The following ANK2 variants were observed in gnomAD, a reference collection of about 807,000 sequenced individuals.
ANK2 encodes ankyrin-2.
Under a neutral mutation model 360.5 loss-of-function variants are expected in ANK2, and 83 were observed. The observed-to-expected ratio is 0.23, with a 90% CI of 0.19 to 0.28. ANK2 has a LOEUF of 0.28. Among genes scored for constraint, ANK2 ranks in the 10% least tolerant of loss-of-function variants. ANK2 has a pLI of 1.00. For missense variants in ANK2, 4,201 were observed against 4,795.7 expected, an observed-to-expected ratio of 0.88 and a Z score of 3.66; for synonymous variants, 1,740 against 1,759.5, an observed-to-expected ratio of 0.99 and a Z score of 0.28.
intron 1 of ANK2, among the ~76,000 whole-genome samples, chr4:113,087,549 AATT>A (rs760499914): frequency 1.1e-4 from 16 of 152,246 alleles, no homozygotes; most frequent in African/African-American, 2.9e-4. Flanking sequence ...AAGCAGCAAA[AATT>A]ATTAACAAGC....
intron 1 of ANK2, among the ~76,000 whole-genome samples, chr4:113,166,277 T>C (rs893152225): frequency 2.0e-5 from 3 of 152,154 alleles, no homozygotes; most frequent in African/African-American, 7.2e-5. Context: ...GGCATAGTTA[T>C]AGAGACATTT....
intron 10 of ANK2, among the ~76,000 whole-genome samples, chr4:113,252,428 AC>A (rs1000871669): frequency 5.3e-5 from 8 of 151,994 alleles, no homozygotes; most frequent in Non-Finnish European, 1.2e-4. Flanking sequence ...TCTAAGTGTC[AC>A]CCCCTCATTC....
At chr4:112,890,337 T>C (rs1271115354) in intron 1 of ANK2, among the ~76,000 whole-genome samples, 1 of 152,148 alleles carries the variant, frequency 6.6e-6, no homozygotes, top group East Asian at 1.9e-4. Context: ...AGTACCAGAT[T>C]CTAGAATAAA....
intron 2 of ANK2, among the ~76,000 whole-genome samples, chr4:112,963,595 A>G (rs1179753631): frequency 6.6e-6 from 1 of 152,158 alleles, no homozygotes; most frequent in Admixed American, 6.5e-5. Flanking sequence ...TTTTTTTTCC[A>G]AGTGAATCAC....
Position 113,151,901 on chromosome 4 carries a change from CAA to C in ANK2, c.85-22499_85-22498del, listed in dbSNP as rs34604677. Among the ~76,000 whole-genome samples the C allele has an allele frequency of 3.0e-3, 327 of 108,306 alleles. 2 individuals are homozygous for C. Among genetic ancestry groups the C allele is most frequent in the East Asian group, 8.3e-3 (35 of 4,192 alleles). 71.1% of individuals were successfully genotyped at this position (108,306 alleles called of 152,430 possible). A position where few individuals can be genotyped will look rare whatever the true frequency, so the allele number is the denominator to read the frequency against. On this transcript the variant is annotated intron_variant, in intron 1 of 45. Transcript: ENST00000357077. ...GAAACATAGTGAAACCCCATCTCTA[CAA>C]AAAAAAAAAAAAAAATTACTAGGTG...
chr4:112,728,308 A>G, the ANK2 span, among the ~76,000 whole-genome samples: 7 of 150,412 alleles, frequency 4.7e-5, no homozygotes, highest in East Asian at 1.9e-4. Context: ...AAAAAAAAAA[A>G]AAAAAAAAAA....
At chr4:112,869,897 A>T (rs1560871387) in intron 1 of ANK2, among the ~76,000 whole-genome samples, 1 of 152,030 alleles carries the variant, frequency 6.6e-6, no homozygotes, top group East Asian at 1.9e-4. Context: ...TTGCGAGCTC[A>T]TCTTGAACTC....
chr4:113,361,362 T>G (rs1435563714), intron 39 of ANK2, among the ~76,000 whole-genome samples: 1 of 152,096 alleles, frequency 6.6e-6, no homozygotes, highest in Non-Finnish European at 1.5e-5. Context: ...TTCACTAATA[T>G]TTTTGAGAAA....
intron 45 of ANK2, among the ~76,000 whole-genome samples, chr4:113,379,986 T>A (rs1018489981): frequency 1.3e-5 from 2 of 152,092 alleles, no homozygotes; most frequent in African/African-American, 4.8e-5. Flanking sequence ...GCATAGTGTA[T>A]GGTTATGGAC....
chr4:112,990,408 G>A (rs1425297819), intron 2 of ANK2, among the ~76,000 whole-genome samples: 1 of 152,060 alleles, frequency 6.6e-6, no homozygotes, highest in Admixed American at 6.5e-5. Context: ...TATTATAGAT[G>A]ACACCCATTC....
chr4:112,829,556 A>G (rs564728956), intron 1 of ANK2, among the ~76,000 whole-genome samples: 1 of 151,114 alleles, frequency 6.6e-6, no homozygotes, highest in African/African-American at 2.4e-5. Flanking sequence ...GAAGACACAC[A>G]GGCGGCCAAC....
At chr4:113,375,541 C>T (rs1234194154) in intron 45 of ANK2, among the ~76,000 whole-genome samples, 17 of 151,604 alleles carry the variant, frequency 1.1e-4, no homozygotes, top group Non-Finnish European at 1.6e-4. Context: ...CTGGCTAACA[C>T]GGTGAAACCC....
At chr4:113,235,355 T>C (rs1367036249) in intron 5 of ANK2, among the ~76,000 whole-genome samples, 1 of 152,172 alleles carries the variant, frequency 6.6e-6, no homozygotes, top group Non-Finnish European at 1.5e-5. Context: ...AATTCAGTTA[T>C]TATTAAAAAA....
chr4:113,358,980 G>T lies in ANK2; in HGVS notation c.10362G>T (p.Arg3454Ser), dbSNP rs55726422. ...VKSRSTTSSC[R>S]GGTSPTKESK... ...GCAGAAGCACTACATCTTCCTGCAG[G>T]GGGGGCACGAGCCCCACAAAAGAAA... The change falls in exon 38 of 46, where the codon AGG (arginine) becomes AGT (serine). Residue 3454 changes from arginine (R) to serine (S), a missense_variant. Coordinates refer to ENST00000357077, the MANE Select transcript of ANK2 (RefSeq NM_001148.6). The T allele has an allele frequency of 6.6e-5, 107 of 1,614,068 alleles. No individual in the cohort carries two copies. The African/African-American group carries it at 1.2e-3, about 18-fold the overall frequency.
chr4:113,010,327 T>C (rs1465823376), intron 2 of ANK2, among the ~76,000 whole-genome samples: 1 of 151,932 alleles, frequency 6.6e-6, no homozygotes, highest in African/African-American at 2.4e-5. Context: ...TAAGCCCAAA[T>C]GAAAAAAGAG....
Position 113,353,233 on chromosome 4 carries a change from A to C in ANK2, c.4615A>C (p.Lys1539Gln). The change falls in exon 38 of 46, where the codon AAG becomes CAG. Residue 1539 changes from lysine to glutamine, a missense_variant. By Grantham distance (53) the Lys-to-Gln change is moderately conservative (BLOSUM62 1). This residue lies in a region of ANK2 where 1,268 missense variants were observed against 1,650.8 expected (regional missense o/e 0.77). Transcript: ENST00000357077. ...AGSIKVKELVKAAEEEPGEPF... is the reference protein window; with the variant it reads ...AGSIKVKELVQAAEEEPGEPF... Reference sequence around the variant, plus strand: ...TTCTATTAAAGTGAAGGAGCTGGTGAAGGCTGCTGAGGAAGAGCCAGGAGA... The same window carrying C: ...TTCTATTAAAGTGAAGGAGCTGGTGCAGGCTGCTGAGGAAGAGCCAGGAGA... 1 of 1,614,076 alleles carries C rather than the reference A, an allele frequency of 6.2e-7. No homozygotes were observed. The highest frequency in any genetic ancestry group is 1.3e-5 in the African/African-American group (1 of 75,050).
chr4:112,829,819 C>T (rs1294889490), intron 1 of ANK2, among the ~76,000 whole-genome samples: 4 of 151,842 alleles, frequency 2.6e-5, no homozygotes, highest in Admixed American at 6.6e-5. Flanking sequence ...ATTAGCTGGG[C>T]GTGGTGGTGG....
chr4:112,846,758 T>TCAGAGTGAG (rs1404316410), intron 1 of ANK2, among the ~76,000 whole-genome samples: 1 of 152,220 alleles, frequency 6.6e-6, no homozygotes, highest in African/African-American at 2.4e-5. Context: ...CCTGCATCAG[T>TCAGAGTGAG]CAGAGTGAGG....
At chr4:113,187,203 G>A (rs898477954) in intron 2 of ANK2, among the ~76,000 whole-genome samples, 2 of 152,148 alleles carry the variant, frequency 1.3e-5, no homozygotes, top group African/African-American at 4.8e-5. Context: ...GGCTGTTACT[G>A]CCCTTGGGAA....
Sources: allele counts gnomAD v4.1 joint callset (sites outside exome capture counted in the v4.1 genomes callset), GRCh38; gene constraint gnomAD v4.1.1; regional missense constraint gnomAD v4.1.1; transcripts MANE v1.5; gene names NCBI Gene and HGNC (gene_info 2026-07-23, HGNC 2026-07-21).